The following SPTAN1 variants were observed in gnomAD, a reference collection of about 807,000 sequenced individuals.
The protein encoded by SPTAN1 is spectrin alpha, non-erythrocytic 1, also known as spectrin alpha chain, non-erythrocytic 1.
A neutral mutation model predicts 331.3 loss-of-function variants in SPTAN1; 61 were observed. That is an observed-to-expected ratio of 0.18 (90% CI 0.15 to 0.23). The LOEUF is 0.23. SPTAN1 is among the 10% of genes least tolerant of loss of function. The pLI, the probability that SPTAN1 is intolerant of heterozygous loss-of-function variation, is 1.00. For missense variants in SPTAN1, 2,043 were observed against 3,147.9 expected (o/e 0.65, Z 8.40); for synonymous variants, 1,153 against 1,173.9 (o/e 0.98, Z 0.36).
chr9:128,593,541 T>C (rs1853817596), intron 23 of SPTAN1: 1 of 202,006 alleles, frequency 5.0e-6, no homozygotes, highest in South Asian at 8.7e-5. Flanking sequence ...GTATTTTAGT[T>C]CCCGAGGGTT....
chr9:128,621,199 C>T lies in SPTAN1; in HGVS notation c.5775C>T (p.Thr1925=), dbSNP rs140353002. ...ATGAAGCTTTTGAGACAGACTTCACCGTCCACAAGGATCGCGTGAATGATG... is the reference window on the plus strand; with the variant it reads ...ATGAAGCTTTTGAGACAGACTTCACTGTCCACAAGGATCGCGTGAATGATG... ...KKHEAFETDF[T]VHKDRVNDVC... is the part of the protein sequence containing the mutation. The change falls in exon 45 of 57, where the codon ACC becomes ACT. Residue 1925 remains threonine, a synonymous_variant. Transcript: ENST00000372739. 2,435 of 1,614,102 alleles carry T rather than the reference C, an allele frequency of 1.5e-3. 4 individuals carry two copies. The highest frequency in any genetic ancestry group is 2.1e-3 in the Admixed American group (126 of 60,006).
chr9:128,627,190 T>C lies in SPTAN1; in HGVS notation c.6577-196T>C. 1 of 649,224 alleles carries C rather than the reference T, an allele frequency of 1.5e-6. No homozygotes were observed. Among genetic ancestry groups the C allele is most frequent in the Non-Finnish European group, 2.8e-6 (1 of 356,458 alleles). The allele number at this position is 649,224 out of a possible 1,614,324, so 40.2% of individuals were successfully genotyped here. A position where few individuals can be genotyped will look rare whatever the true frequency, so the allele number is the denominator to read the frequency against. ...CTTCCCTCCAGGTCCGCCTCTTCCTTGAAGCCCCTGGGGGGTGGGAACAGA... is the reference window on the plus strand; with the variant it reads ...CTTCCCTCCAGGTCCGCCTCTTCCTCGAAGCCCCTGGGGGGTGGGAACAGA... On this transcript the variant is annotated intron_variant, in intron 49 of 56. Coordinates refer to ENST00000372739, the MANE Select transcript of SPTAN1 (RefSeq NM_001130438.3). This position sits in a 1 kb window ranked among gnomAD's most constrained non-coding sequence, Gnocchi z 4.9.
intron 29 of SPTAN1, among the ~76,000 whole-genome samples, 175 bp from the exon 30 acceptor site, chr9:128,604,858 TG>T (rs1414846636): frequency 2.0e-5 from 3 of 151,910 alleles, no homozygotes; most frequent in Non-Finnish European, 2.9e-5. Flanking sequence ...TTGAACCCGG[TG>T]GGGGCGGAGG....
rs568877997 is a variant in SPTAN1, at chr9:128,613,610, G to A, written c.5148+125G>A. ...TCACTTAAAGCAGCCATTCTCAAAG[G>A]TTGTGGCCTCAGGATCATTATACAC... On this transcript the variant is annotated intron_variant, in intron 40 of 56. Coordinates refer to ENST00000372739, the MANE Select transcript of SPTAN1 (RefSeq NM_001130438.3). The A allele has an allele frequency of 1.0e-5, 8 of 787,536 alleles. No homozygotes were observed. In the South Asian group the frequency reaches 1.0e-4, roughly 10 times the overall value. 48.8% of individuals were successfully genotyped at this position (787,536 alleles called of 1,614,324 possible).
chr9:128,583,765 A>G, intron 15 of SPTAN1, 23 bp from the exon 16 acceptor site: 1 of 1,614,064 alleles, frequency 6.2e-7, no homozygotes, highest in Non-Finnish European at 8.5e-7. Context: ...GCAGTACAAA[A>G]TTAAACTTGT....
In SPTAN1 at chr9:128,608,136, C is replaced by T; in HGVS notation, c.4351C>T (p.His1451Tyr). ...TGCCTCTTGCCCTCTTTAGCTGTTCCATCGGGACTGTGAGCAAGCTGAGAA... is the reference window on the plus strand; with the variant it reads ...TGCCTCTTGCCCTCTTTAGCTGTTCTATCGGGACTGTGAGCAAGCTGAGAA... ...LDQCLELQLF[H>Y]RDCEQAENWM... Residue 1451 changes from histidine (H) to tyrosine (Y), a missense_variant, in exon 34 of 57, where the codon CAT (histidine) becomes TAT (tyrosine). His to Tyr is a moderately conservative substitution (Grantham distance 83, BLOSUM62 2). Transcript: ENST00000372739. 6.2e-7 allele frequency: 1 copy of T among 1,614,152 alleles called. No homozygotes were observed. The highest frequency in any genetic ancestry group is 8.5e-7 in the Non-Finnish European group (1 of 1,180,026).
At position 128,629,347 on chromosome 9, in the gene SPTAN1, T is replaced by C. The variant is rs1859297555; in HGVS notation, c.6708-974T>C. 6.6e-6 allele frequency among the ~76,000 whole-genome samples: 1 copy of C among 151,568 alleles called. No homozygotes were observed. Among genetic ancestry groups the C allele is most frequent in the African/African-American group, 2.4e-5 (1 of 41,244 alleles). On this transcript the variant is annotated intron_variant, in intron 51 of 56. Transcript: ENST00000372739. This position sits in a 1 kb window ranked among gnomAD's most constrained non-coding sequence, Gnocchi z 4.9. Reference sequence around the variant, plus strand: ...CGGCACCCAGCCTCCTGCCCCCAGGTCCTGGGGGGCATTTTCCCCGGGGGG... The same window carrying C: ...CGGCACCCAGCCTCCTGCCCCCAGGCCCTGGGGGGCATTTTCCCCGGGGGG...
In SPTAN1 at chr9:128,579,886, G is replaced by C. The variant is rs776169787; in HGVS notation, c.1323+148G>C. 9.5e-6 allele frequency: 7 copies of C among 734,136 alleles called. No homozygotes were observed. In the African/African-American group the frequency reaches 1.0e-4, roughly 11 times the overall value. The allele number at this position is 734,136 out of a possible 1,614,324, so 45.5% of individuals were successfully genotyped here. On this transcript the variant is annotated intron_variant, in intron 10 of 56. Transcript: ENST00000372739. ...TTTCTCTGCAGAGGTTTAAAAAGAAGGTATATGTATAGTGTGCTGATTTCC... is the reference window on the plus strand; with the variant it reads ...TTTCTCTGCAGAGGTTTAAAAAGAACGTATATGTATAGTGTGCTGATTTCC...
intron 8 of SPTAN1, 71 bp from the exon 9 acceptor site, chr9:128,578,039 G>A: frequency 6.5e-7 from 1 of 1,546,484 alleles, no homozygotes; most frequent in Non-Finnish European, 8.9e-7. Flanking sequence ...AGAATTCAGA[G>A]CTTTAGGGAG....
At chr9:128,558,261 G>T (rs1220839708) in intron 1 of SPTAN1, among the ~76,000 whole-genome samples, 1 of 152,172 alleles carries the variant, frequency 6.6e-6, no homozygotes, top group Non-Finnish European at 1.5e-5. Flanking sequence ...CCTGAGATTC[G>T]CATTACTTGC....
At chr9:128,586,372 ATCC>A (rs1852641227) in intron 19 of SPTAN1, among the ~76,000 whole-genome samples, 2 of 151,906 alleles carry the variant, frequency 1.3e-5, no homozygotes, top group South Asian at 2.1e-4. Context: ...GCCTCAAACA[ATCC>A]TCCTGCCAAA....
chr9:128,583,774 G>A lies in SPTAN1; in HGVS notation c.2012-14G>A. The A allele has an allele frequency of 6.2e-7, 1 of 1,614,118 alleles. No individual in the cohort carries two copies. Among genetic ancestry groups the A allele is most frequent in the South Asian group, 1.1e-5 (1 of 91,088 alleles). On this transcript the variant is annotated splice_polypyrimidine_tract_variant and intron_variant, in intron 15 of 56. Coordinates refer to ENST00000372739, the MANE Select transcript of SPTAN1 (RefSeq NM_001130438.3). ...TGCTAAGCAGTACAAAATTAAACTTGTTTTCTTCCATAGGAATAAAGCTTC... is the reference window on the plus strand; with the variant it reads ...TGCTAAGCAGTACAAAATTAAACTTATTTTCTTCCATAGGAATAAAGCTTC...
chr9:128,553,322 T>C (rs1167130579), intron 1 of SPTAN1: 1 of 152,232 alleles, frequency 6.6e-6, no homozygotes, highest in Non-Finnish European at 1.5e-5. Flanking sequence ...GTAATAAACA[T>C]TTTTCTTTCT....
In SPTAN1 at chr9:128,604,311, T is replaced by C; in HGVS notation, c.3628-15T>C. 1.2e-6 allele frequency: 2 copies of C among 1,613,754 alleles called. No homozygotes were observed. The highest frequency in any genetic ancestry group is 2.2e-5 in the East Asian group (1 of 44,874). On this transcript the variant is annotated splice_polypyrimidine_tract_variant and intron_variant, in intron 28 of 56. Coordinates refer to ENST00000372739, the MANE Select transcript of SPTAN1 (RefSeq NM_001130438.3). ...AGAGGGAGTGCAGTGGAGCTGATGTTTTGCTGTCCTGCAGGAGCTGAATGA... is the reference window on the plus strand; with the variant it reads ...AGAGGGAGTGCAGTGGAGCTGATGTCTTGCTGTCCTGCAGGAGCTGAATGA...
At position 128,625,999 on chromosome 9, in the gene SPTAN1, A is replaced by G; in HGVS notation, c.6279+21A>G. 6.2e-7 allele frequency: 1 copy of G among 1,612,668 alleles called. No individual in the cohort carries two copies. Among genetic ancestry groups the G allele is most frequent in the Non-Finnish European group, 8.5e-7 (1 of 1,179,234 alleles). On this transcript the variant is annotated intron_variant, in intron 48 of 56. Coordinates refer to ENST00000372739, the MANE Select transcript of SPTAN1 (RefSeq NM_001130438.3). The surrounding 1 kb of genome is among the most constrained non-coding windows in gnomAD (Gnocchi z 4.1). Reference sequence around the variant, plus strand: ...GCAAGGTGAGGATGGGGCCACGTGAAGCTTAGCTGGCCCACAGCTCAAGGA... The same window carrying G: ...GCAAGGTGAGGATGGGGCCACGTGAGGCTTAGCTGGCCCACAGCTCAAGGA...
chr9:128,628,247 C>G, intron 51 of SPTAN1: 1 of 532,092 alleles, frequency 1.9e-6, no homozygotes. Flanking sequence ...AGTCCAGAGG[C>G]CCTAAGAACC....
intron 22 of SPTAN1, among the ~76,000 whole-genome samples, chr9:128,592,159 T>G (rs1490470355): frequency 6.6e-6 from 1 of 151,976 alleles, no homozygotes; most frequent in Non-Finnish European, 1.5e-5. Flanking sequence ...CCCACTAGAG[T>G]TTGGGTAGAA....
At chr9:128,558,223 G>A (rs554720557) in intron 1 of SPTAN1, among the ~76,000 whole-genome samples, 74 of 152,272 alleles carry the variant, frequency 4.9e-4, no homozygotes, top group Admixed American at 4.6e-3. Flanking sequence ...TACAATAGAG[G>A]ACATAGTTGT....
rs935480775 is a variant in SPTAN1 at position 128,632,041 on chromosome 9, A to G, written c.6763-86A>G. The stretch of plus-strand genomic sequence containing the variant: ...CGAGGTCTCAGGCCAGGCCTGGAGC[A>G]GGAACCAGAGGGCAGTAAGTGGCTC... On this transcript the variant is annotated intron_variant, in intron 52 of 56. Coordinates refer to ENST00000372739, the MANE Select transcript of SPTAN1 (RefSeq NM_001130438.3). 2.1e-6 allele frequency: 3 copies of G among 1,422,600 alleles called. No homozygotes were observed. In the African/African-American group the frequency reaches 4.3e-5, roughly 20 times the overall value. 88.1% of individuals were successfully genotyped at this position (1,422,600 alleles called of 1,614,324 possible). A position where few individuals can be genotyped will look rare whatever the true frequency, so the allele number is the denominator to read the frequency against.
Sources: gnomAD v4.1 joint callset for allele counts (sites outside exome capture counted in the v4.1 genomes callset) on GRCh38, gnomAD v4.1.1 for gene constraint, Gnocchi (gnomAD v3.1) non-coding constraint, MANE v1.5 for transcripts, NCBI Gene and HGNC (gene_info 2026-07-23, HGNC 2026-07-21) for gene names.